RRAS2: variants seen among roughly 807,000 people sequenced by gnomAD.
RRAS2 encodes the protein RAS related 2, also known as ras-related protein R-Ras2.
In RRAS2, 7 loss-of-function variants were observed where a neutral mutation model predicts 27.6. The observed-to-expected ratio is 0.25, with a 90% CI of 0.14 to 0.48. The LOEUF (loss-of-function observed/expected upper bound fraction) is 0.48, where lower values mean the gene tolerates loss of function less well. Ranked by LOEUF, RRAS2 falls within the 20% of genes least tolerant of loss-of-function variation. The pLI is 0.99. For synonymous variants in RRAS2, 86 were observed against 90.9 expected (o/e 0.95, Z 0.31); for missense variants, 178 against 256.2 (o/e 0.69, Z 2.08).
intron 4 of RRAS2, among the ~76,000 whole-genome samples, chr11:14,293,630 C>G (rs1177877227): frequency 6.6e-6 from 1 of 152,172 alleles, no homozygotes; most frequent in Non-Finnish European, 1.5e-5. Flanking sequence ...CTCTTGCCTG[C>G]CGTCATGTAA....
At chr11:14,354,322 A>C (rs1209453099) in intron 1 of RRAS2, 2 of 152,252 alleles carry the variant, frequency 1.3e-5, no homozygotes, top group African/African-American at 4.8e-5. Flanking sequence ...GCTAAAAAAA[A>C]TATATAAACC....
intron 4 of RRAS2, among the ~76,000 whole-genome samples, chr11:14,282,208 C>T (rs2882129): frequency 0.98 from 149,873 of 152,316 alleles, 73,769 homozygotes; most frequent in Middle Eastern, 1. Flanking sequence ...AGAAGCGTCA[C>T]ATAGCTGGAA....
intron 1 of RRAS2, among the ~76,000 whole-genome samples, chr11:14,356,431 C>T (rs1554955433): frequency 6.6e-6 from 1 of 152,232 alleles, no homozygotes; most frequent in Non-Finnish European, 1.5e-5. Flanking sequence ...TAGGCATAAA[C>T]ACTGATAACA....
chr11:14,294,628 A>G, intron 3 of RRAS2, 49 bp from the exon 4 acceptor site: 1 of 1,503,520 alleles, frequency 6.7e-7, no homozygotes, highest in Non-Finnish European at 9.1e-7. Context: ...GTCAAGTATC[A>G]GAATTCAGCA....
chr11:14,289,895 C>T (rs1021153347), intron 4 of RRAS2, among the ~76,000 whole-genome samples: 1 of 151,954 alleles, frequency 6.6e-6, no homozygotes, highest in Non-Finnish European at 1.5e-5. Context: ...TTATTATCTA[C>T]AAGAAAATAG....
intron 1 of RRAS2, among the ~76,000 whole-genome samples, chr11:14,343,091 C>T (rs778517166): frequency 6.6e-6 from 1 of 152,152 alleles, no homozygotes; most frequent in Non-Finnish European, 1.5e-5. Context: ...CAGCTGTGCA[C>T]CATGTACTGT....
At chr11:14,341,758 C>G (rs924563313) in intron 1 of RRAS2, 2 of 449,088 alleles carry the variant, frequency 4.5e-6, no homozygotes, top group African/African-American at 4.0e-5. Context: ...TCTTAATTAA[C>G]TATAAAATAC....
chr11:14,293,119 AAACAAATAT>A (rs1481667268), intron 4 of RRAS2, among the ~76,000 whole-genome samples: 6 of 97,180 alleles, frequency 6.2e-5, no homozygotes, highest in African/African-American at 2.2e-4. Flanking sequence ...AAACAAAACA[AAACAAATAT>A]ATATATATAT....
chr11:14,308,378 A>G, intron 1 of RRAS2: 1 of 391,012 alleles, frequency 2.6e-6, no homozygotes, highest in Non-Finnish European at 5.0e-6. Context: ...CCAGCTATAC[A>G]AACAACTAGC....
intron 1 of RRAS2, among the ~76,000 whole-genome samples, chr11:14,303,567 A>G (rs1237961716): frequency 2.0e-5 from 3 of 152,106 alleles, no homozygotes; most frequent in Admixed American, 1.3e-4. Context: ...AGAGACCCCC[A>G]TCTCCACAAA....
chr11:14,349,130 T>C (rs1848897912), intron 1 of RRAS2, among the ~76,000 whole-genome samples: 1 of 151,458 alleles, frequency 6.6e-6, no homozygotes, highest in Admixed American at 6.6e-5. Context: ...CACGCCCGGC[T>C]AATTTTTTGT....
chr11:14,304,351 T>C (rs1245060140), intron 1 of RRAS2, among the ~76,000 whole-genome samples: 1 of 152,172 alleles, frequency 6.6e-6, no homozygotes, highest in Non-Finnish European at 1.5e-5. Flanking sequence ...TCCAAAAACA[T>C]TGTCTTAGAA....
At chr11:14,356,709 T>C (rs1404063125) in intron 1 of RRAS2, 3 of 437,050 alleles carry the variant, frequency 6.9e-6, no homozygotes, top group African/African-American at 2.1e-5. Flanking sequence ...TTCTTTAATA[T>C]CATCTAGAGC....
At chr11:14,300,777 G>A (rs1443057280) in intron 1 of RRAS2, among the ~76,000 whole-genome samples, 1 of 152,110 alleles carries the variant, frequency 6.6e-6, no homozygotes, top group Non-Finnish European at 1.5e-5. Context: ...CGTTAAGGAG[G>A]AAAAGAAGAA....
Position 14,320,979 on chromosome 11 carries a change from G to A in RRAS2, c.109-25124C>T, listed in dbSNP as rs554807410. Among the ~76,000 whole-genome samples the A allele has an allele frequency of 1.5e-4, 23 of 152,160 alleles. No individual in the cohort carries two copies. In the South Asian group the frequency reaches 3.9e-3, roughly 26 times the overall value. On this transcript the variant is annotated intron_variant, in intron 1 of 5. Coordinates refer to ENST00000256196, the MANE Select transcript of RRAS2 (RefSeq NM_012250.6). ...GCTGATCTCCTGAGGTCAGGAGTTC[G>A]AGACCAGCCTGGCCAACATGGTAAA...
rs185723307 is a variant in RRAS2, at chr11:14,344,083, C to T, written c.108+14680G>A. Among the ~76,000 whole-genome samples, 19 of 152,182 alleles carry T rather than the reference C, an allele frequency of 1.2e-4. No homozygotes were observed. In the East Asian group the frequency reaches 3.5e-3, roughly 28 times the overall value. ...ACTTAAGCCGGGGACATCAAGGCTG[C>T]AGTGAGCCATGATTGTGCCATTGCA... On this transcript the variant is annotated intron_variant, in intron 1 of 5. Transcript: ENST00000256196.
intron 1 of RRAS2, among the ~76,000 whole-genome samples, chr11:14,337,897 G>C (rs903702529): frequency 1.3e-5 from 2 of 152,090 alleles, no homozygotes; most frequent in Admixed American, 6.6e-5. Context: ...CACCCTAAAA[G>C]AATGGCTAAA....
intron 1 of RRAS2, among the ~76,000 whole-genome samples, chr11:14,328,986 T>TGC (rs1848426598): frequency 5.1e-5 from 2 of 39,548 alleles, no homozygotes; most frequent in Non-Finnish European, 1.3e-4. Context: ...TTTATATATA[T>TGC]GTGTGTGTGT....
At position 14,287,342 on chromosome 11, in the gene RRAS2, T is replaced by C. The variant is rs182427795; in HGVS notation, c.409-5622A>G. Among the ~76,000 whole-genome samples, 21 of 152,232 alleles carry C rather than the reference T, an allele frequency of 1.4e-4. No individual in the cohort carries two copies. In the East Asian group the frequency reaches 1.5e-3, roughly 11 times the overall value. On this transcript the variant is annotated intron_variant, in intron 4 of 5. Transcript: ENST00000256196. Reference sequence around the variant, plus strand: ...AGTAAATGGTGTACAACTAACCAAATAGGTACATCCTTAAGTTAAAATATA... The same window carrying C: ...AGTAAATGGTGTACAACTAACCAAACAGGTACATCCTTAAGTTAAAATATA...
Sources: gnomAD v4.1 joint callset for allele counts (sites outside exome capture counted in the v4.1 genomes callset) on GRCh38, gnomAD v4.1.1 for gene constraint, MANE v1.5 for transcripts, NCBI Gene and HGNC (gene_info 2026-07-23, HGNC 2026-07-21) for gene names.